TCF4: variants seen among roughly 807,000 people sequenced by gnomAD.
The protein encoded by TCF4 is SL3-3 enhancer factor 2.
In TCF4, 3 loss-of-function variants were observed where a neutral mutation model predicts 82.1. That is an observed-to-expected ratio of 0.04 (90% confidence interval 0.02 to 0.09). The LOEUF (loss-of-function observed/expected upper bound fraction) is 0.09. Among genes scored for constraint, TCF4 ranks in the 10% least tolerant of loss-of-function variants. The probability of loss-of-function intolerance (pLI) is 1.00; values close to 1 mark genes in which losing one functional copy is unlikely to be tolerated. For missense variants in TCF4, 518 were observed against 852.7 expected (o/e 0.61, Z 4.89); for synonymous variants, 276 against 309.6 (o/e 0.89, Z 1.14).
At position 55,633,030 on chromosome 18, in the gene TCF4, T is replaced by C. The variant is rs1361324905; in HGVS notation, c.196-1642A>G. On this transcript the variant is annotated intron_variant, in intron 1 of 20. Coordinates refer to the TCF4 transcript ENST00000398339. This position sits in a 1 kb window ranked among gnomAD's most constrained non-coding sequence, Gnocchi z 4.0. The stretch of plus-strand genomic sequence containing the variant: ...GTCAGTGGATGGTAAATGAAGGTTT[T>C]CTTATGTATTAGTTATCAATTGCTG... Among the ~76,000 whole-genome samples the C allele has an allele frequency of 1.3e-5, 2 of 152,222 alleles. No individual in the cohort carries two copies. The highest frequency in any genetic ancestry group is 2.9e-5 in the Non-Finnish European group (2 of 68,034).
At chr18:55,479,806 T>C (rs2096381987) in intron 3 of TCF4, among the ~76,000 whole-genome samples, 1 of 152,146 alleles carries the variant, frequency 6.6e-6, no homozygotes, top group South Asian at 2.1e-4. Flanking sequence ...GTTCCAGCAA[T>C]TAGCATACCC....
intron 12 of TCF4, among the ~76,000 whole-genome samples, chr18:55,260,712 C>T (rs1193208196): frequency 6.6e-6 from 1 of 152,096 alleles, no homozygotes; most frequent in Non-Finnish European, 1.5e-5. Context: ...GCATGTGCCA[C>T]CCATGCCTAG....
At position 55,225,279 on chromosome 18, in the gene TCF4, T is replaced by C. The variant is rs1178661926; in HGVS notation, c.*2756A>G. ...CTGGTGAACAATAAATTGCAGCTTT[T>C]ACTCTGAGTGAGAACAAAATATAAA... On this transcript the variant is annotated 3_prime_UTR_variant, in exon 20 of 20. Transcript: ENST00000354452. The C allele has an allele frequency of 6.6e-6, 1 of 152,630 alleles. No individual in the cohort carries two copies. Among genetic ancestry groups the C allele is most frequent in the African/African-American group, 2.4e-5 (1 of 41,462 alleles). The allele number at this position is 152,630 out of a possible 1,614,324, so 9.5% of individuals were successfully genotyped here. A position where few individuals can be genotyped will look rare whatever the true frequency, so the allele number is the denominator to read the frequency against.
At chr18:55,569,231 A>C (rs625538) in intron 3 of TCF4, among the ~76,000 whole-genome samples, 1 of 150,394 alleles carries the variant, frequency 6.6e-6, no homozygotes, top group Non-Finnish European at 1.5e-5. Context: ...AAAAAGGCCA[A>C]GTATTGGGGT....
At chr18:55,371,610 C>T (rs1358675793) in intron 6 of TCF4, among the ~76,000 whole-genome samples, 1 of 151,970 alleles carries the variant, frequency 6.6e-6, no homozygotes, top group Non-Finnish European at 1.5e-5. Flanking sequence ...ACCAAGAGCA[C>T]AGCAGTCAAC....
At chr18:55,328,518 G>A (rs1048753744) in intron 8 of TCF4, among the ~76,000 whole-genome samples, 2 of 152,154 alleles carry the variant, frequency 1.3e-5, no homozygotes, top group African/African-American at 4.8e-5. Flanking sequence ...AAACAGAGAT[G>A]GAGGAAGTTG....
intron 5 of TCF4, chr18:55,403,991 G>T (rs1177112997): frequency 3.2e-6 from 4 of 1,248,994 alleles, no homozygotes; most frequent in Non-Finnish European, 4.0e-6. Flanking sequence ...TCAAAATTCT[G>T]AGTCTCTCTC....
chr18:55,289,850 T>C (rs746665089), intron 8 of TCF4, among the ~76,000 whole-genome samples: 3 of 152,096 alleles, frequency 2.0e-5, no homozygotes, highest in Non-Finnish European at 4.4e-5. Context: ...GGATAGCCAG[T>C]TGCAGAAACA....
chr18:55,555,836 GATA>G (rs2097298919), intron 3 of TCF4, among the ~76,000 whole-genome samples: 1 of 152,128 alleles, frequency 6.6e-6, no homozygotes, highest in African/African-American at 2.4e-5. Context: ...AATATTTAAA[GATA>G]ATATTTAATT....
intron 6 of TCF4, among the ~76,000 whole-genome samples, chr18:55,374,827 C>T (rs902160511): frequency 6.3e-5 from 9 of 143,704 alleles, no homozygotes; most frequent in Admixed American, 3.6e-4. Flanking sequence ...ATGATCACAC[C>T]ACTGCACTCC....
At chr18:55,304,574 G>A (rs558073065) in intron 8 of TCF4, among the ~76,000 whole-genome samples, 24 of 152,130 alleles carry the variant, frequency 1.6e-4, no homozygotes, top group African/African-American at 5.5e-4. Flanking sequence ...ATCCATTTAC[G>A]ATTGCATGAG....
intron 3 of TCF4, among the ~76,000 whole-genome samples, chr18:55,554,350 A>G (rs1341974368): frequency 6.6e-6 from 1 of 152,082 alleles, no homozygotes; most frequent in Admixed American, 6.6e-5. Flanking sequence ...ATTAATAAAC[A>G]CTAGTTTATT....
chr18:55,413,929 G>A (rs1351402708), intron 5 of TCF4, among the ~76,000 whole-genome samples: 1 of 152,180 alleles, frequency 6.6e-6, no homozygotes, highest in East Asian at 1.9e-4. Flanking sequence ...GGTGCTTTCT[G>A]TGTAACATGT....
chr18:55,508,750 G>C (rs2096792321), intron 3 of TCF4, among the ~76,000 whole-genome samples: 2 of 152,136 alleles, frequency 1.3e-5, no homozygotes, highest in Admixed American at 1.3e-4. Context: ...AGTAAACATT[G>C]TTGCTGTGCA....
intron 6 of TCF4, chr18:55,401,197 A>G: frequency 8.2e-7 from 1 of 1,216,740 alleles, no homozygotes; most frequent in African/African-American, 1.6e-5. Flanking sequence ...TTTCACAGAA[A>G]GCAGAAATTC....
rs748773770 is a variant in TCF4 at position 55,403,993 on chromosome 18, GTCTC to G, written c.305-479_305-476del. On this transcript the variant is annotated intron_variant, in intron 5 of 19. Coordinates refer to ENST00000354452, the MANE Select transcript of TCF4 (RefSeq NM_001083962.2). ...GCAAAGAAACTATTCAAAATTCTGA[GTCTC>G]TCTCTCTCTCTCTTTTTTAAAAACT... 3.2e-4 allele frequency: 393 copies of G among 1,213,228 alleles called. 2 individuals carry two copies. The African/African-American group carries it at 4.2e-3, about 13-fold the overall frequency. The allele number at this position is 1,213,228 out of a possible 1,614,324, so 75.2% of individuals were successfully genotyped here.
chr18:55,301,625 G>C (rs1224493106), intron 8 of TCF4, among the ~76,000 whole-genome samples: 1 of 151,866 alleles, frequency 6.6e-6, no homozygotes, highest in African/African-American at 2.4e-5. Context: ...TAGTCTTATA[G>C]ATCTTATGAA....
intron 7 of TCF4, 65 bp downstream of exon 7, chr18:55,350,809 G>A: frequency 1.9e-6 from 3 of 1,606,702 alleles, no homozygotes; most frequent in Non-Finnish European, 2.6e-6. Flanking sequence ...ATATTTTAAA[G>A]AAAGAAAGAA....
At chr18:55,365,191 A>ATGTG (rs1220531145) in intron 6 of TCF4, among the ~76,000 whole-genome samples, 167 of 97,856 alleles carry the variant, frequency 1.7e-3, no homozygotes, top group South Asian at 3.9e-3. Flanking sequence ...ATATATATAT[A>ATGTG]TGTGTGTGTG....
Sources: gnomAD v4.1 joint callset for allele counts (sites outside exome capture counted in the v4.1 genomes callset) on GRCh38, gnomAD v4.1.1 for gene constraint, Gnocchi (gnomAD v3.1) non-coding constraint, MANE v1.5 for transcripts, NCBI Gene and HGNC (gene_info 2026-07-23, HGNC 2026-07-21) for gene names.